The following SAP30BP variants were observed in gnomAD, a reference collection of about 807,000 sequenced individuals.
SAP30BP encodes SAP30 binding protein.
A neutral mutation model predicts 46.3 loss-of-function variants in SAP30BP; 31 were observed. The ratio of observed to expected loss-of-function variants is 0.67; its 90% CI spans 0.50 to 0.90. The LOEUF (loss-of-function observed/expected upper bound fraction) is 0.90. Among genes scored for constraint, SAP30BP ranks in the 40% least tolerant of loss-of-function variants. The pLI is 0.00. For missense variants in SAP30BP, 312 were observed against 391.0 expected (o/e 0.80, Z 1.70); for synonymous variants, 169 against 144.2 (o/e 1.17, Z -1.23).
At chr17:75,680,673 C>T (rs552215049) in intron 3 of SAP30BP, among the ~76,000 whole-genome samples, 28 of 152,196 alleles carry the variant, frequency 1.8e-4, no homozygotes, top group Non-Finnish European at 4.0e-4. Context: ...GGTTAGAAGG[C>T]GCCACGATTT....
In SAP30BP at chr17:75,707,169, G is replaced by A. The variant is rs1410383809; in HGVS notation, c.*648G>A. On this transcript the variant is annotated 3_prime_UTR_variant, in exon 11 of 11. Transcript: ENST00000584667. The stretch of plus-strand genomic sequence containing the variant: ...GGGGTGAGATCCTGACCTGTGCAGA[G>A]AGTGGGGAGGCGTCAGCGCCTGGCC... The A allele has an allele frequency of 1.3e-5, 2 of 153,076 alleles. No individual in the cohort carries two copies. Among genetic ancestry groups the A allele is most frequent in the African/African-American group, 2.4e-5 (1 of 41,480 alleles). The allele number at this position is 153,076 out of a possible 1,614,324, so 9.5% of individuals were successfully genotyped here.
chr17:75,704,455 C>T (rs1022310767), intron 8 of SAP30BP, among the ~76,000 whole-genome samples: 2 of 152,240 alleles, frequency 1.3e-5, no homozygotes, highest in African/African-American at 4.8e-5. Context: ...CTGATTCCAG[C>T]TTCTCTCCAT....
chr17:75,705,661 C>T, intron 9 of SAP30BP: 1 of 1,116,576 alleles, frequency 9.0e-7, no homozygotes, highest in Non-Finnish European at 1.1e-6. Flanking sequence ...GCTGTCCTTC[C>T]CCTGTGCGGG....
chr17:75,693,476 C>T lies in SAP30BP; in HGVS notation c.301C>T (p.Leu101Phe). Residue 101 changes from leucine (L) to phenylalanine (F), a missense_variant, in exon 4 of 11, where the codon CTC (leucine) becomes TTC (phenylalanine). By Grantham distance (22) the Leu-to-Phe change is conservative (BLOSUM62 0). Coordinates refer to ENST00000584667, the MANE Select transcript of SAP30BP (RefSeq NM_013260.8). ...AGCAGAAAAGCGAGACCCCCAGGAACTCGTGGGTGAGTATTGGGGGATCCT... is the reference window on the plus strand; with the variant it reads ...AGCAGAAAAGCGAGACCCCCAGGAATTCGTGGGTGAGTATTGGGGGATCCT... ...TEAEKRDPQELVASFSERVRN... is the reference protein window; with the variant it reads ...TEAEKRDPQEFVASFSERVRN... The T allele has an allele frequency of 6.2e-7, 1 of 1,613,972 alleles. No individual in the cohort carries two copies. The highest frequency in any genetic ancestry group is 8.5e-7 in the Non-Finnish European group (1 of 1,179,894).
At chr17:75,692,060 T>C (rs528149720) in intron 3 of SAP30BP, 2 of 211,896 alleles carry the variant, frequency 9.4e-6, no homozygotes, top group Admixed American at 6.4e-5. Flanking sequence ...GCCCACCTGA[T>C]TGGCAGGGGG....
chr17:75,692,634 A>G (rs916930442), intron 3 of SAP30BP: 3 of 401,640 alleles, frequency 7.5e-6, no homozygotes, highest in African/African-American at 2.2e-5. Flanking sequence ...TAGATGAAAC[A>G]TTTACTACAG....
At position 75,702,494 on chromosome 17, in the gene SAP30BP, G is replaced by A. The variant is rs761009080; in HGVS notation, c.411G>A (p.Lys137=). 3 of 1,563,978 alleles carry A rather than the reference G, an allele frequency of 1.9e-6. No homozygotes were observed. Among genetic ancestry groups the A allele is most frequent in the South Asian group, 2.2e-5 (2 of 89,492 alleles). Residue 137 remains lysine, a synonymous_variant, in exon 6 of 11, where the codon AAG becomes AAA. Coordinates refer to ENST00000584667, the MANE Select transcript of SAP30BP (RefSeq NM_013260.8). ...CCTCTTCACAGGACAAGATCCAGAA[G>A]CTTTATGAACGAAAGATAAAGGAGG... ...CSNHLQDKIQ[K]LYERKIKEGM...
Position 75,670,341 on chromosome 17 carries a change from T to C in SAP30BP, c.217-1475T>C, listed in dbSNP as rs116576151. Among the ~76,000 whole-genome samples, 1,166 of 152,158 alleles carry C rather than the reference T, an allele frequency of 7.7e-3. 25 individuals carry two copies. The highest frequency in any genetic ancestry group is 0.027 in the African/African-American group (1,104 of 41,514). ...CATCTTAAAAAAAAAAAAAATTATTTCCACAACAAACAGAAATGCGTTTTG... is the reference window on the plus strand; with the variant it reads ...CATCTTAAAAAAAAAAAAAATTATTCCCACAACAAACAGAAATGCGTTTTG... On this transcript the variant is annotated intron_variant, in intron 2 of 10. Coordinates refer to ENST00000584667, the MANE Select transcript of SAP30BP (RefSeq NM_013260.8).
intron 3 of SAP30BP, among the ~76,000 whole-genome samples, chr17:75,685,144 A>C (rs1191188022): frequency 1.3e-5 from 2 of 152,204 alleles, no homozygotes; most frequent in Non-Finnish European, 2.9e-5. Context: ...CCCTCCCATC[A>C]GCCGTGCAAG....
chr17:75,703,641 C>T (rs2060449258), intron 7 of SAP30BP, 167 bp from the exon 8 acceptor site: 1 of 696,768 alleles, frequency 1.4e-6, no homozygotes, highest in Non-Finnish European at 2.6e-6. Flanking sequence ...CTTCGTGCTC[C>T]CATGTTCTTC....
At position 75,707,458 on chromosome 17, in the gene SAP30BP, A is replaced by G. The variant is rs1430839518; in HGVS notation, c.*937A>G. The G allele has an allele frequency of 1.3e-5, 2 of 151,998 alleles. No individual in the cohort carries two copies. Among genetic ancestry groups the G allele is most frequent in the Non-Finnish European group, 2.9e-5 (2 of 67,968 alleles). The allele number at this position is 151,998 out of a possible 1,614,324, so 9.4% of individuals were successfully genotyped here. A position where few individuals can be genotyped will look rare whatever the true frequency, so the allele number is the denominator to read the frequency against. ...ACCAGGGGTTCAGAGGAGACTATTT[A>G]CCCTTCATGATCTTTGGCGATTCTC... On this transcript the variant is annotated 3_prime_UTR_variant, in exon 11 of 11. Transcript: ENST00000584667.
chr17:75,682,687 G>C (rs1599120438), intron 3 of SAP30BP, among the ~76,000 whole-genome samples: 1 of 152,016 alleles, frequency 6.6e-6, no homozygotes, highest in African/African-American at 2.4e-5. Flanking sequence ...TATGAGGCTG[G>C]GCGCAGTGGC....
chr17:75,674,710 T>TGTG (rs200916900), intron 3 of SAP30BP, among the ~76,000 whole-genome samples: 1 of 124,912 alleles, frequency 8.0e-6, no homozygotes, highest in Non-Finnish European at 1.7e-5. Context: ...TTTTTTTTTT[T>TGTG]TTTTTTTTTT....
At chr17:75,673,263 T>C (rs2059933608) in intron 3 of SAP30BP, among the ~76,000 whole-genome samples, 2 of 152,152 alleles carry the variant, frequency 1.3e-5, no homozygotes, top group South Asian at 4.1e-4. Flanking sequence ...GCAACCTGCT[T>C]TCTATGCTGA....
intron 3 of SAP30BP, among the ~76,000 whole-genome samples, chr17:75,690,103 C>T (rs2060220373): frequency 6.6e-6 from 1 of 152,162 alleles, no homozygotes; most frequent in Non-Finnish European, 1.5e-5. Flanking sequence ...TGCACATATA[C>T]CACCAAATCT....
At chr17:75,678,765 G>A (rs2060030430) in intron 3 of SAP30BP, among the ~76,000 whole-genome samples, 1 of 152,140 alleles carries the variant, frequency 6.6e-6, no homozygotes, top group Non-Finnish European at 1.5e-5. Context: ...GGGAAAGGTA[G>A]AGCTGGAAGA....
At chr17:75,680,224 T>C (rs1306569092) in intron 3 of SAP30BP, among the ~76,000 whole-genome samples, 3 of 152,092 alleles carry the variant, frequency 2.0e-5, no homozygotes, top group Admixed American at 2.0e-4. Flanking sequence ...AGTGTACATC[T>C]GTGAAAACAA....
At chr17:75,704,870 T>C (rs2060471115) in intron 9 of SAP30BP, 56 bp downstream of exon 9, 1 of 1,408,170 alleles carries the variant, frequency 7.1e-7, no homozygotes, top group Non-Finnish European at 1.0e-6. Flanking sequence ...GCATGGGTCC[T>C]GCTGGCTGAG....
chr17:75,682,682 G>A (rs1288308819), intron 3 of SAP30BP, among the ~76,000 whole-genome samples: 2 of 152,178 alleles, frequency 1.3e-5, no homozygotes, highest in East Asian at 3.9e-4. Context: ...TGGCATATGA[G>A]GCTGGGCGCA....
Sources: gnomAD v4.1 joint callset for allele counts (sites outside exome capture counted in the v4.1 genomes callset) on GRCh38, gnomAD v4.1.1 for gene constraint, MANE v1.5 for transcripts, NCBI Gene and HGNC (gene_info 2026-07-23, HGNC 2026-07-21) for gene names.